Variants in FAXC observed in about 807,000 individuals in gnomAD.
FAXC encodes the protein failed axon connections homolog, metaxin like GST domain containing, also known as failed axon connections homolog.
A neutral mutation model predicts 41.9 loss-of-function variants in FAXC; 10 were observed. The observed-to-expected ratio is 0.24, with a 90% confidence interval of 0.15 to 0.41. FAXC has a LOEUF of 0.41. Among genes scored for constraint, FAXC ranks in the 10% least tolerant of loss-of-function variants. The pLI is 1.00. For missense variants in FAXC, 399 were observed against 510.9 expected (o/e 0.78, Z 2.11); for synonymous variants, 183 against 183.8 (o/e 1.00, Z 0.03).
chr6:99,340,471 T>C (rs1459438366), intron 2 of FAXC, among the ~76,000 whole-genome samples: 1 of 151,992 alleles, frequency 6.6e-6, no homozygotes, highest in Non-Finnish European at 1.5e-5. Flanking sequence ...ATAATAACTA[T>C]ATTCTCAGGC....
intron 4 of FAXC, chr6:99,309,929 T>A: frequency 1.0e-6 from 1 of 984,254 alleles, no homozygotes; most frequent in Non-Finnish European, 1.2e-6. Flanking sequence ...ACCACCAACG[T>A]AAACACACAG....
chr6:99,342,882 A>C lies in FAXC; in HGVS notation c.402+16T>G. On this transcript the variant is annotated intron_variant, in intron 2 of 5. Transcript: ENST00000389677. ...TACTGATGTCATAAAAAGAAAACATATTTGCACACAAGTACCTGATACGGT... is the reference window on the plus strand; with the variant it reads ...TACTGATGTCATAAAAAGAAAACATCTTTGCACACAAGTACCTGATACGGT... 1 of 1,581,430 alleles carries C rather than the reference A, an allele frequency of 6.3e-7. No individual in the cohort carries two copies. The highest frequency in any genetic ancestry group is 2.2e-5 in the East Asian group (1 of 44,660).
At chr6:99,310,412 G>A (rs1003649809) in intron 4 of FAXC, among the ~76,000 whole-genome samples, 1 of 152,134 alleles carries the variant, frequency 6.6e-6, no homozygotes, top group Admixed American at 6.5e-5. Flanking sequence ...CCTTCCCCCA[G>A]ACCCCTTTCC....
rs1271406640 is a variant in FAXC at position 99,276,890 on chromosome 6, G to A, written c.*4274C>T. 6.6e-6 allele frequency: 1 copy of A among 152,196 alleles called. No homozygotes were observed. Among genetic ancestry groups the A allele is most frequent in the Admixed American group, 6.5e-5 (1 of 15,284 alleles). The allele number at this position is 152,196 out of a possible 1,614,324, so 9.4% of individuals were successfully genotyped here. Reference sequence around the variant, plus strand: ...AAAAGTGAAAATTCACTATTTAATGGTATGTGACTCACTCTCTGAGCATCT... The same window carrying A: ...AAAAGTGAAAATTCACTATTTAATGATATGTGACTCACTCTCTGAGCATCT... On this transcript the variant is annotated 3_prime_UTR_variant, in exon 6 of 6. Coordinates refer to ENST00000389677, the MANE Select transcript of FAXC (RefSeq NM_032511.4).
intron 1 of FAXC, among the ~76,000 whole-genome samples, chr6:99,346,126 A>G (rs1319934987): frequency 6.6e-6 from 1 of 152,198 alleles, no homozygotes; most frequent in African/African-American, 2.4e-5. Flanking sequence ...TCTATCTTAC[A>G]TATTTCAGAT....
rs143772436 is a variant in FAXC, at chr6:99,335,867, A to T, written c.403-2320T>A. Among the ~76,000 whole-genome samples, 222 of 152,290 alleles carry T rather than the reference A, an allele frequency of 1.5e-3. 3 individuals are homozygous for T. The highest frequency in any genetic ancestry group is 5.1e-3 in the African/African-American group (211 of 41,568). ...TTCTAGTATGTTTTCATGATCAACA[A>T]TTATATTTTGATTGCTAGGTAAAAA... On this transcript the variant is annotated intron_variant, in intron 2 of 5. Transcript: ENST00000389677.
intron 4 of FAXC, among the ~76,000 whole-genome samples, chr6:99,301,244 C>T (rs1371323366): frequency 1.3e-5 from 2 of 152,254 alleles, no homozygotes; most frequent in East Asian, 1.9e-4. Flanking sequence ...AAACCATACA[C>T]TCATCAGTAT....
intron 4 of FAXC, among the ~76,000 whole-genome samples, chr6:99,321,640 G>A (rs1772590953): frequency 6.6e-6 from 1 of 152,208 alleles, no homozygotes. Flanking sequence ...TTTTAATGCT[G>A]TTTTGAATAC....
intron 2 of FAXC, among the ~76,000 whole-genome samples, chr6:99,340,790 T>A (rs2128464811): frequency 6.8e-6 from 1 of 147,814 alleles, no homozygotes; most frequent in South Asian, 2.2e-4. Context: ...TGCCTCAGCC[T>A]CCCAAGTAGC....
chr6:99,314,538 C>T (rs1421035642), intron 4 of FAXC, among the ~76,000 whole-genome samples: 2 of 152,186 alleles, frequency 1.3e-5, no homozygotes, highest in Admixed American at 1.3e-4. Flanking sequence ...TGTGTCACTG[C>T]ACTACAGCCT....
intron 4 of FAXC, among the ~76,000 whole-genome samples, chr6:99,318,015 T>C (rs1772429419): frequency 6.6e-6 from 1 of 152,016 alleles, no homozygotes; most frequent in Non-Finnish European, 1.5e-5. Flanking sequence ...TCCCAGCACT[T>C]TGGGAGGCCG....
chr6:99,273,791 A>G lies in FAXC; in HGVS notation c.*7373T>C, dbSNP rs191352071. 21 of 152,172 alleles carry G rather than the reference A, an allele frequency of 1.4e-4. No individual in the cohort carries two copies. Among genetic ancestry groups the G allele is most frequent in the Admixed American group, 1.3e-3 (20 of 15,276 alleles). 9.4% of individuals were successfully genotyped at this position (152,172 alleles called of 1,614,324 possible). A position where few individuals can be genotyped will look rare whatever the true frequency, so the allele number is the denominator to read the frequency against. On this transcript the variant is annotated 3_prime_UTR_variant, in exon 6 of 6. Transcript: ENST00000389677. ...TCCCATTCTCTAAACTCCATTGAGGACCAGAAAATATACTTTTAAAATGTC... is the reference window on the plus strand; with the variant it reads ...TCCCATTCTCTAAACTCCATTGAGGGCCAGAAAATATACTTTTAAAATGTC...
rs1176520707 is a variant in FAXC at position 99,277,351 on chromosome 6, G to C, written c.*3813C>G. 6.6e-6 allele frequency: 1 copy of C among 152,300 alleles called. No homozygotes were observed. Among genetic ancestry groups the C allele is most frequent in the Non-Finnish European group, 1.5e-5 (1 of 68,126 alleles). The allele number at this position is 152,300 out of a possible 1,614,324, so 9.4% of individuals were successfully genotyped here. A position where few individuals can be genotyped will look rare whatever the true frequency, so the allele number is the denominator to read the frequency against. ...CAAGTACGTAAAAGAGGCTAGAGAA[G>C]TCTAGGCAAAAGAGGATGCCCTGAA... is the stretch of plus-strand genomic sequence containing the variant. On this transcript the variant is annotated 3_prime_UTR_variant, in exon 6 of 6. Transcript: ENST00000389677.
At chr6:99,347,391 G>C (rs1233895093) in intron 1 of FAXC, among the ~76,000 whole-genome samples, 1 of 135,090 alleles carries the variant, frequency 7.4e-6, no homozygotes, top group Non-Finnish European at 1.5e-5. Flanking sequence ...GACAAAGCGA[G>C]ACTCAGTCTC....
intron 4 of FAXC, among the ~76,000 whole-genome samples, chr6:99,306,427 T>C (rs1269699167): frequency 6.6e-6 from 1 of 152,100 alleles, no homozygotes; most frequent in Non-Finnish European, 1.5e-5. Flanking sequence ...AATGCTGGGT[T>C]GTTGGGAGGA....
At chr6:99,296,250 G>T (rs1385808006) in intron 4 of FAXC, among the ~76,000 whole-genome samples, 1 of 147,360 alleles carries the variant, frequency 6.8e-6, no homozygotes, top group Non-Finnish European at 1.5e-5. Flanking sequence ...CACTCTTGGG[G>T]TTTGCAAAGT....
rs1770477248 is a variant in FAXC, at chr6:99,273,237, T to G, written c.*7927A>C. 1 of 152,048 alleles carries G rather than the reference T, an allele frequency of 6.6e-6. No homozygotes were observed. Among genetic ancestry groups the G allele is most frequent in the South Asian group, 2.1e-4 (1 of 4,824 alleles). 9.4% of individuals were successfully genotyped at this position (152,048 alleles called of 1,614,324 possible). A position where few individuals can be genotyped will look rare whatever the true frequency, so the allele number is the denominator to read the frequency against. On this transcript the variant is annotated 3_prime_UTR_variant, in exon 6 of 6. Transcript: ENST00000389677. ...GTGTCCGCCCATTAGCCCCGAAATGTGGGTTCAAATTATGCCAACATTGGC... is the reference window on the plus strand; with the variant it reads ...GTGTCCGCCCATTAGCCCCGAAATGGGGGTTCAAATTATGCCAACATTGGC...
chr6:99,308,504 C>A (rs1270942907), intron 4 of FAXC, among the ~76,000 whole-genome samples: 2 of 151,720 alleles, frequency 1.3e-5, no homozygotes, highest in Non-Finnish European at 2.9e-5. Context: ...ACAGACCTAA[C>A]AATGTGCATA....
At chr6:99,337,651 T>A (rs1773261908) in intron 2 of FAXC, among the ~76,000 whole-genome samples, 1 of 152,160 alleles carries the variant, frequency 6.6e-6, no homozygotes, top group South Asian at 2.1e-4. Context: ...ATTAACCACA[T>A]CCCCAGGACC....
Sources: allele counts gnomAD v4.1 joint callset (sites outside exome capture counted in the v4.1 genomes callset), GRCh38; gene constraint gnomAD v4.1.1; transcripts MANE v1.5; gene names NCBI Gene and HGNC (gene_info 2026-07-23, HGNC 2026-07-21).